Variants in CCN5 observed in about 807,000 individuals in gnomAD.
CCN5 encodes CCN family member 5.
In CCN5, 17 loss-of-function variants were observed where a neutral mutation model predicts 18.7. The ratio of observed to expected loss-of-function variants is 0.91; its 90% CI spans 0.62 to 1.36. The LOEUF (loss-of-function observed/expected upper bound fraction) is 1.36, where lower values mean the gene tolerates loss of function less well. CCN5 is among the 40% of genes most tolerant of loss of function. The pLI is 0.00. For missense variants in CCN5, 367 were observed against 342.9 expected, an observed-to-expected ratio of 1.07 and a Z score of -0.56; for synonymous variants, 135 against 145.2, an observed-to-expected ratio of 0.93 and a Z score of 0.50.
chr20:44,718,221 A>G (rs1474003276), intron 1 of CCN5, among the ~76,000 whole-genome samples: 2 of 152,144 alleles, frequency 1.3e-5, no homozygotes, highest in African/African-American at 4.8e-5. Context: ...CCAGTTTGCA[A>G]TGGCTCCTAG....
intron 1 of CCN5, among the ~76,000 whole-genome samples, chr20:44,718,956 C>G (rs986564615): frequency 6.6e-6 from 1 of 152,198 alleles, no homozygotes; most frequent in East Asian, 1.9e-4. Flanking sequence ...TCCCAAGTCT[C>G]CTGGCTGATG....
chr20:44,718,888 C>A (rs758843601), intron 1 of CCN5, among the ~76,000 whole-genome samples: 2 of 152,110 alleles, frequency 1.3e-5, no homozygotes, highest in Non-Finnish European at 2.9e-5. Flanking sequence ...GATTCCAGGT[C>A]CCTGACTCTG....
chr20:44,717,425 A>G (rs972219699), intron 1 of CCN5, among the ~76,000 whole-genome samples: 1 of 152,048 alleles, frequency 6.6e-6, no homozygotes. Flanking sequence ...CTGCTGGTCT[A>G]TTTCCTGGCA....
chr20:44,715,432 C>T lies in CCN5; in HGVS notation c.42C>T (p.Leu14=), dbSNP rs1223160336. ...AGACCCACCTCCTGGCCTTCTCCCT[C>T]CTCTGCCTCCTCTCAAAGGTAAGGA... The part of the protein sequence containing the change: ...TPKTHLLAFS[L]LCLLSKVRTQ... Residue 14 remains leucine, a synonymous_variant, in exon 1 of 4, where the codon CTC becomes CTT. Transcript: ENST00000190983. 6.3e-7 allele frequency: 1 copy of T among 1,597,098 alleles called. No individual in the cohort carries two copies. The highest frequency in any genetic ancestry group is 1.3e-5 in the African/African-American group (1 of 74,720).
intron 2 of CCN5, among the ~76,000 whole-genome samples, chr20:44,722,019 T>G (rs770269449): frequency 3.9e-5 from 6 of 152,214 alleles, no homozygotes; most frequent in Non-Finnish European, 8.8e-5. Context: ...TTTTTCTTAT[T>G]CCATCTTAAT....
chr20:44,722,865 T>G (rs1174572595), intron 2 of CCN5, among the ~76,000 whole-genome samples: 1 of 152,174 alleles, frequency 6.6e-6, no homozygotes, highest in Non-Finnish European at 1.5e-5. Flanking sequence ...CCTTCTGGTC[T>G]GAGCCCCGTC....
chr20:44,727,358 C>A lies in CCN5; in HGVS notation c.*51C>A. On this transcript the variant is annotated 3_prime_UTR_variant, in exon 4 of 4. Transcript: ENST00000190983. The stretch of plus-strand genomic sequence containing the variant: ...TGTCCACCATCCCCAGCTGGTGGCC[C>A]TGTGCCTGGGCCCTGGGCTGATGGA... 1 of 1,556,188 alleles carries A rather than the reference C, an allele frequency of 6.4e-7. No homozygotes were observed. Among genetic ancestry groups the A allele is most frequent in the Non-Finnish European group, 8.7e-7 (1 of 1,147,998 alleles).
At chr20:44,724,107 T>A (rs1328094721) in intron 2 of CCN5, 1 of 152,266 alleles carries the variant, frequency 6.6e-6, no homozygotes, top group Non-Finnish European at 1.5e-5. Context: ...GGACATGTCA[T>A]CCCATGGAAC....
chr20:44,724,670 G>A, intron 2 of CCN5, 68 bp from the exon 3 acceptor site: 1 of 1,598,694 alleles, frequency 6.3e-7, no homozygotes, highest in South Asian at 1.1e-5. Context: ...GCGGGATCTG[G>A]GCAGCTCTGC....
At chr20:44,722,276 C>A (rs1322220307) in intron 2 of CCN5, among the ~76,000 whole-genome samples, 1 of 152,186 alleles carries the variant, frequency 6.6e-6, no homozygotes, top group African/African-American at 2.4e-5. Context: ...ACGCTCTTCT[C>A]TAAGGGCCAA....
At chr20:44,725,237 A>G (rs1358301257) in intron 3 of CCN5, among the ~76,000 whole-genome samples, 1 of 152,148 alleles carries the variant, frequency 6.6e-6, no homozygotes, top group Non-Finnish European at 1.5e-5. Flanking sequence ...TAGGAATTCG[A>G]AACCAGCCTG....
upstream of CCN5, chr20:44,715,040 AGCTGTCACAGGCTCTTGGT>A: frequency 3.8e-6 from 1 of 265,502 alleles, no homozygotes; most frequent in East Asian, 8.5e-5. Context: ...GGCCTCTGCA[AGCTGTCACAGGCTCTTGGT>A]GCTGGCACTG....
chr20:44,726,524 C>G (rs566055507), intron 3 of CCN5, among the ~76,000 whole-genome samples: 44 of 152,230 alleles, frequency 2.9e-4, no homozygotes, highest in Admixed American at 1.4e-3. Context: ...AGCATCCCCC[C>G]AGTTGTGATC....
chr20:44,727,650 A>C lies in CCN5; in HGVS notation c.*343A>C. 4.2e-6 allele frequency: 3 copies of C among 711,546 alleles called. No homozygotes were observed. Among genetic ancestry groups the C allele is most frequent in the Non-Finnish European group, 5.9e-6 (3 of 511,102 alleles). The allele number at this position is 711,546 out of a possible 1,614,324, so 44.1% of individuals were successfully genotyped here. A position where few individuals can be genotyped will look rare whatever the true frequency, so the allele number is the denominator to read the frequency against. On this transcript the variant is annotated 3_prime_UTR_variant, in exon 4 of 4. Transcript: ENST00000190983. ...CTCTCCGACTTCCCCTGGGCAAGAG[A>C]TGGGACAAGCAGTCCCTTAATATTG...
chr20:44,715,179 T>C, upstream of CCN5: 2 of 570,920 alleles, frequency 3.5e-6, no homozygotes, highest in Non-Finnish European at 3.2e-6. Context: ...GGCTCATCCT[T>C]TGAGCCATGA....
chr20:44,721,206 G>A (rs917277507), intron 2 of CCN5: 3 of 151,938 alleles, frequency 2.0e-5, no homozygotes, highest in African/African-American at 7.3e-5. Flanking sequence ...TGTAGGAAAA[G>A]CCTTGTTAAA....
Position 44,724,999 on chromosome 20 carries a change from G to T in CCN5, c.532+7G>T. ...CAGCCCCTTCCAGCCCAAGGTGAGC[G>T]CAGCGGTGGTCCAGGTCAGGGCAGG... On this transcript the variant is annotated splice_region_variant and intron_variant, in intron 3 of 3. Coordinates refer to ENST00000190983, the MANE Select transcript of CCN5 (RefSeq NM_003881.4). The T allele has an allele frequency of 1.3e-6, 2 of 1,562,914 alleles. No individual in the cohort carries two copies. Among genetic ancestry groups the T allele is most frequent in the Non-Finnish European group, 8.7e-7 (1 of 1,155,874 alleles).
chr20:44,720,931 T>C (rs539538734), intron 2 of CCN5: 13 of 152,290 alleles, frequency 8.5e-5, no homozygotes, highest in African/African-American at 3.1e-4. Context: ...ACCCACTGTA[T>C]GCCAGCAGCA....
intron 2 of CCN5, among the ~76,000 whole-genome samples, chr20:44,721,722 GTTTA>G (rs2065901389): frequency 6.6e-6 from 1 of 152,132 alleles, no homozygotes; most frequent in South Asian, 2.1e-4. Context: ...CACCCACAGA[GTTTA>G]TTTTACACTT....
Sources: gnomAD v4.1 joint callset for allele counts (sites outside exome capture counted in the v4.1 genomes callset) on GRCh38, gnomAD v4.1.1 for gene constraint, MANE v1.5 for transcripts, NCBI Gene and HGNC (gene_info 2026-07-23, HGNC 2026-07-21) for gene names.